Variants in OCA2 observed in about 807,000 individuals in gnomAD.
OCA2 encodes the protein P protein.
In OCA2, 77 loss-of-function variants were observed where a neutral mutation model predicts 100.2. That is an observed-to-expected ratio of 0.77 (90% CI 0.64 to 0.93). The LOEUF is 0.93. Ranked by LOEUF, OCA2 falls within the 40% of genes least tolerant of loss-of-function variation. The pLI, the probability that OCA2 is intolerant of heterozygous loss-of-function variation, is 0.00. For synonymous variants in OCA2, 432 were observed against 439.2 expected (o/e 0.98, Z 0.21); for missense variants, 1,062 against 1,089.1 (o/e 0.98, Z 0.35).
At chr15:27,838,061 G>C (rs1018104) in intron 23 of OCA2, among the ~76,000 whole-genome samples, 109,964 of 151,882 alleles carry the variant, frequency 0.72, 40,278 homozygotes, top group East Asian at 1. Context: ...TAATAAAACA[G>C]AGCATGAGAA....
At chr15:28,055,691 G>T (rs1468652521) in intron 2 of OCA2, among the ~76,000 whole-genome samples, 1 of 152,194 alleles carries the variant, frequency 6.6e-6, no homozygotes, top group East Asian at 1.9e-4. Flanking sequence ...TGGCCAGCGG[G>T]GAGCCAAGCC....
chr15:27,933,258 G>T (rs1479654881), intron 18 of OCA2, among the ~76,000 whole-genome samples: 1 of 152,016 alleles, frequency 6.6e-6, no homozygotes. Flanking sequence ...TCAGTATATT[G>T]GACTTGGCAG....
At chr15:27,728,837 C>T in the OCA2 span, among the ~76,000 whole-genome samples, 230 of 152,252 alleles carry the variant, frequency 1.5e-3, no homozygotes, top group African/African-American at 5.2e-3. Context: ...AGAGCCATAC[C>T]GTCAGCCTTT....
chr15:27,981,967 C>T (rs2041177287), intron 14 of OCA2, among the ~76,000 whole-genome samples: 1 of 152,224 alleles, frequency 6.6e-6, no homozygotes, highest in South Asian at 2.1e-4. Flanking sequence ...GAGCTCACCG[C>T]ATTTGTTTCC....
intron 9 of OCA2, among the ~76,000 whole-genome samples, chr15:28,010,078 C>T (rs911891483): frequency 2.6e-5 from 4 of 151,746 alleles, no homozygotes; most frequent in Non-Finnish European, 5.9e-5. Flanking sequence ...TCCACCATCT[C>T]AAGCAGCTAA....
At chr15:27,767,768 C>T (rs73370371) in intron 23 of OCA2, among the ~76,000 whole-genome samples, 1 of 151,946 alleles carries the variant, frequency 6.6e-6, no homozygotes, top group Admixed American at 6.5e-5. Context: ...TGGGTGGGGA[C>T]AAATAAGCAA....
At chr15:27,971,799 C>T (rs2040801170) in intron 14 of OCA2, among the ~76,000 whole-genome samples, 1 of 152,094 alleles carries the variant, frequency 6.6e-6, no homozygotes, top group Non-Finnish European at 1.5e-5. Context: ...TTCCTCCAAA[C>T]TACATAAGTA....
chr15:28,051,595 C>CTTT (rs11292828), intron 2 of OCA2, among the ~76,000 whole-genome samples: 857 of 82,494 alleles, frequency 0.01, 108 homozygotes, highest in African/African-American at 0.052. Context: ...CCTGGCCTTC[C>CTTT]TTTTTTTTTT....
At chr15:27,939,041 T>A (rs1332292117) in intron 18 of OCA2, among the ~76,000 whole-genome samples, 1 of 152,190 alleles carries the variant, frequency 6.6e-6, no homozygotes, top group Non-Finnish European at 1.5e-5. Flanking sequence ...CAACCAGAGC[T>A]TAACTGAACA....
chr15:28,078,439 G>A (rs557781605), intron 2 of OCA2, among the ~76,000 whole-genome samples: 1 of 152,312 alleles, frequency 6.6e-6, no homozygotes, highest in South Asian at 2.1e-4. Flanking sequence ...TACAGAAGAA[G>A]GGATGGTGTC....
At chr15:27,808,541 G>A (rs1014873022) in intron 23 of OCA2, among the ~76,000 whole-genome samples, 2 of 152,208 alleles carry the variant, frequency 1.3e-5, no homozygotes, top group African/African-American at 2.4e-5. Context: ...CATGCATGGT[G>A]TGGAGGGAAG....
chr15:27,830,273 G>C (rs1245301673), intron 23 of OCA2, among the ~76,000 whole-genome samples: 3 of 152,184 alleles, frequency 2.0e-5, no homozygotes, highest in Non-Finnish European at 4.4e-5. Flanking sequence ...TGTGAAGTCA[G>C]TGAGATGAAG....
chr15:27,912,355 G>A (rs8039856), intron 19 of OCA2, among the ~76,000 whole-genome samples: 59,218 of 151,954 alleles, frequency 0.39, 11,659 homozygotes, highest in Middle Eastern at 0.54. Context: ...GTTGATTCCA[G>A]GGCAAGAGCA....
intron 16 of OCA2, 116 bp from the exon 17 acceptor site, chr15:27,955,331 T>G (rs2040186082): frequency 1.2e-6 from 1 of 806,358 alleles, no homozygotes; most frequent in Non-Finnish European, 2.2e-6. Flanking sequence ...GGAGCCTGGC[T>G]GGCAGGACTA....
rs544943335 is a variant in OCA2 at position 28,086,007 on chromosome 15, A to G, written c.-21-4112T>C. On this transcript the variant is annotated intron_variant, in intron 1 of 23. Coordinates refer to ENST00000354638, the MANE Select transcript of OCA2 (RefSeq NM_000275.3). ...GTGGGCACCCTCCAAAGGCTATTAC[A>G]CAGTGCCTGGCCCCCAGTCCTCACA... Among the ~76,000 whole-genome samples, 52 of 152,276 alleles carry G rather than the reference A, an allele frequency of 3.4e-4. 1 individual carries two copies. In the South Asian group the frequency reaches 0.011, roughly 31 times the overall value.
At chr15:28,072,317 C>T (rs141577899) in intron 2 of OCA2, among the ~76,000 whole-genome samples, 2,341 of 152,044 alleles carry the variant, frequency 0.015, 53 homozygotes, top group African/African-American at 0.054. Context: ...AGGCCGGGTG[C>T]GGTGGCTCAC....
chr15:27,896,161 A>G, intron 19 of OCA2: 1 of 949,350 alleles, frequency 1.1e-6, no homozygotes, highest in East Asian at 2.4e-5. Flanking sequence ...ACCAGTGGCA[A>G]TGAAGTTTTT....
chr15:28,022,356 T>C, intron 6 of OCA2, 145 bp downstream of exon 6: 1 of 696,152 alleles, frequency 1.4e-6, no homozygotes, highest in Non-Finnish European at 2.6e-6. Flanking sequence ...ACTCCATCTC[T>C]CATCAGACAT....
chr15:27,755,056 A>G lies in OCA2; in HGVS notation c.*332T>C. The G allele has an allele frequency of 2.9e-6, 1 of 342,610 alleles. No individual in the cohort carries two copies. Among genetic ancestry groups the G allele is most frequent in the South Asian group, 2.6e-5 (1 of 39,036 alleles). 21.2% of individuals were successfully genotyped at this position (342,610 alleles called of 1,614,324 possible). A position where few individuals can be genotyped will look rare whatever the true frequency, so the allele number is the denominator to read the frequency against. On this transcript the variant is annotated 3_prime_UTR_variant, in exon 24 of 24. Coordinates refer to ENST00000354638, the MANE Select transcript of OCA2 (RefSeq NM_000275.3). ...AGGAGAATTGACAGTTAAACAGTAC[A>G]GTCAATTTTAGGTGGATGTGTGTCT...
Sources: gnomAD v4.1 joint callset for allele counts (sites outside exome capture counted in the v4.1 genomes callset) on GRCh38, gnomAD v4.1.1 for gene constraint, MANE v1.5 for transcripts, NCBI Gene and HGNC (gene_info 2026-07-23, HGNC 2026-07-21) for gene names.